SDK1: variants seen among roughly 807,000 people sequenced by gnomAD.
SDK1 encodes the protein protein sidekick-1.
A neutral mutation model predicts 245.5 loss-of-function variants in SDK1; 157 were observed. The observed-to-expected ratio is 0.64, with a 90% CI of 0.56 to 0.73. SDK1 has a LOEUF of 0.73. SDK1 is among the 30% of genes least tolerant of loss of function. SDK1 has a pLI of 0.00. For synonymous variants in SDK1, 1,647 were observed against 1,278.5 expected (o/e 1.29, Z -6.15); for missense variants, 3,583 against 3,002.3 (o/e 1.19, Z -4.52).
chr7:4,088,606 C>T (rs1386752897), intron 22 of SDK1, among the ~76,000 whole-genome samples: 1 of 151,442 alleles, frequency 6.6e-6, no homozygotes, highest in African/African-American at 2.4e-5. Context: ...ACTATTTTCT[C>T]ATCTATTGAG....
intron 4 of SDK1, among the ~76,000 whole-genome samples, chr7:3,783,231 C>T (rs1053786932): frequency 5.3e-5 from 8 of 152,078 alleles, no homozygotes; most frequent in Non-Finnish European, 1.2e-4. Context: ...CAACAAAGGC[C>T]GTGTGAGAGA....
intron 44 of SDK1, among the ~76,000 whole-genome samples, chr7:4,250,028 A>G (rs924608894): frequency 2.6e-5 from 4 of 152,060 alleles, no homozygotes; most frequent in Non-Finnish European, 4.4e-5. Flanking sequence ...TCACTCCTCA[A>G]TCTCCCCAAA....
chr7:3,450,304 A>G (rs1051310930), intron 1 of SDK1, among the ~76,000 whole-genome samples: 1 of 152,174 alleles, frequency 6.6e-6, no homozygotes, highest in Admixed American at 6.5e-5. Context: ...TAAGTAGGGG[A>G]GTGGTCTCTT....
chr7:3,830,330 A>G (rs750921898), intron 5 of SDK1, among the ~76,000 whole-genome samples: 13 of 152,232 alleles, frequency 8.5e-5, no homozygotes, highest in Non-Finnish European at 1.3e-4. Flanking sequence ...ATTTTTTACA[A>G]ACTCCTCCAC....
rs750900268 is a variant in SDK1 at position 3,555,549 on chromosome 7, C to T, written c.299-63531C>T. On this transcript the variant is annotated intron_variant, in intron 1 of 44. Transcript: ENST00000404826. ...TTGAGTAATACTCTACAAATATGGG[C>T]AAACAAAGCAAAAATGGACAAATGA... is the stretch of plus-strand genomic sequence containing the variant. Among the ~76,000 whole-genome samples the T allele has an allele frequency of 4.6e-5, 7 of 151,936 alleles. No homozygotes were observed. The East Asian group carries it at 1.3e-3, about 29-fold the overall frequency.
intron 1 of SDK1, among the ~76,000 whole-genome samples, chr7:3,316,080 G>A (rs951897393): frequency 6.6e-6 from 1 of 152,098 alleles, no homozygotes. Flanking sequence ...CAAGTTAATG[G>A]TAGATGGTAG....
intron 1 of SDK1, among the ~76,000 whole-genome samples, chr7:3,536,924 A>G (rs910629614): frequency 1.7e-4 from 26 of 152,312 alleles, no homozygotes; most frequent in Middle Eastern, 6.8e-3. Flanking sequence ...ATAAAACCAT[A>G]TTCTTTATTG....
chr7:3,885,036 A>G (rs1316022735), intron 5 of SDK1, among the ~76,000 whole-genome samples: 1 of 143,926 alleles, frequency 6.9e-6, no homozygotes, highest in Non-Finnish European at 1.5e-5. Context: ...CCCGACCCCC[A>G]CCCCGCCCCA....
At position 3,971,395 on chromosome 7, in the gene SDK1, A is replaced by G. The variant is rs568527555; in HGVS notation, c.1715-71A>G. 3.9e-5 allele frequency: 40 copies of G among 1,013,774 alleles called. No homozygotes were observed. In the South Asian group the frequency reaches 4.0e-4, roughly 10 times the overall value. 62.8% of individuals were successfully genotyped at this position (1,013,774 alleles called of 1,614,324 possible). A position where few individuals can be genotyped will look rare whatever the true frequency, so the allele number is the denominator to read the frequency against. On this transcript the variant is annotated intron_variant, in intron 11 of 44. Coordinates refer to ENST00000404826, the MANE Select transcript of SDK1 (RefSeq NM_152744.4). Reference sequence around the variant, plus strand: ...GGTTGTGATGTCAGATGACCAGGGCATTATCCCCCCTGAGGGCAGAAACTG... The same window carrying G: ...GGTTGTGATGTCAGATGACCAGGGCGTTATCCCCCCTGAGGGCAGAAACTG...
intron 32 of SDK1, among the ~76,000 whole-genome samples, chr7:4,168,081 G>C (rs1384392400): frequency 6.6e-6 from 1 of 152,240 alleles, no homozygotes; most frequent in African/African-American, 2.4e-5. Flanking sequence ...ACCCTGTGCA[G>C]GCAGGCCCGG....
At chr7:3,570,951 C>G (rs960284513) in intron 1 of SDK1, among the ~76,000 whole-genome samples, 1 of 152,032 alleles carries the variant, frequency 6.6e-6, no homozygotes, top group Non-Finnish European at 1.5e-5. Context: ...ATTTTTCTGT[C>G]AGAATATGAA....
chr7:3,996,002 G>T (rs2128142651), intron 14 of SDK1, among the ~76,000 whole-genome samples: 2 of 152,182 alleles, frequency 1.3e-5, no homozygotes, highest in Middle Eastern at 3.4e-3. Context: ...AGCCTAAAAT[G>T]AGTATTCTTA....
At chr7:3,463,432 C>T (rs1444156685) in intron 1 of SDK1, among the ~76,000 whole-genome samples, 1 of 152,016 alleles carries the variant, frequency 6.6e-6, no homozygotes, top group Non-Finnish European at 1.5e-5. Context: ...TTTGTGTGAC[C>T]TTGGACAAGC....
At chr7:3,699,479 A>C (rs573254836) in intron 4 of SDK1, among the ~76,000 whole-genome samples, 1 of 152,346 alleles carries the variant, frequency 6.6e-6, no homozygotes, top group East Asian at 1.9e-4. Flanking sequence ...AGAACTAGAA[A>C]ATTTAATAAA....
At chr7:3,737,932 C>T (rs1010994241) in intron 4 of SDK1, among the ~76,000 whole-genome samples, 1 of 152,192 alleles carries the variant, frequency 6.6e-6, no homozygotes, top group Non-Finnish European at 1.5e-5. Flanking sequence ...TGAAACTTTT[C>T]TTGGTTTCTG....
intron 1 of SDK1, among the ~76,000 whole-genome samples, chr7:3,417,844 A>G (rs1297629602): frequency 1.3e-5 from 2 of 152,170 alleles, no homozygotes; most frequent in Admixed American, 6.5e-5. Flanking sequence ...GCTTCTGTCC[A>G]GTTGGCAAGT....
intron 4 of SDK1, among the ~76,000 whole-genome samples, chr7:3,773,878 G>T (rs1299737593): frequency 6.6e-6 from 1 of 152,190 alleles, no homozygotes; most frequent in African/African-American, 2.4e-5. Flanking sequence ...TTCAATGTCT[G>T]CTTCCTAAAA....
intron 1 of SDK1, among the ~76,000 whole-genome samples, chr7:3,414,457 ATGTT>A (rs369106996): frequency 6.6e-5 from 10 of 152,214 alleles, no homozygotes; most frequent in East Asian, 3.9e-4. Context: ...AATCTGGAGA[ATGTT>A]TGTTTCTTTG....
intron 4 of SDK1, among the ~76,000 whole-genome samples, chr7:3,801,247 C>A (rs1431174720): frequency 2.6e-5 from 4 of 152,140 alleles, no homozygotes; most frequent in Non-Finnish European, 5.9e-5. Context: ...TCAATATAAC[C>A]TTTCCCCCAT....
Sources: allele counts gnomAD v4.1 joint callset (sites outside exome capture counted in the v4.1 genomes callset), GRCh38; gene constraint gnomAD v4.1.1; transcripts MANE v1.5; gene names NCBI Gene and HGNC (gene_info 2026-07-23, HGNC 2026-07-21).